ARHGAP8: variants seen among roughly 807,000 people sequenced by gnomAD.
The protein encoded by ARHGAP8 is rho GTPase-activating protein 8.
A neutral mutation model predicts 46.1 loss-of-function variants in ARHGAP8; 62 were observed. That is an observed-to-expected ratio of 1.34 (90% CI 1.10 to 1.66). The LOEUF (loss-of-function observed/expected upper bound fraction) is 1.66. ARHGAP8 is among the 40% of genes most tolerant of loss of function. The pLI, the probability that ARHGAP8 is intolerant of heterozygous loss-of-function variation, is 0.00. For missense variants in ARHGAP8, 923 were observed against 568.4 expected, an observed-to-expected ratio of 1.62 and a Z score of -6.34; for synonymous variants, 375 against 243.1, an observed-to-expected ratio of 1.54 and a Z score of -5.05.
chr22:44,788,417 ACTT>A (rs1927434236), intron 2 of ARHGAP8, among the ~76,000 whole-genome samples: 1 of 143,298 alleles, frequency 7.0e-6, no homozygotes, highest in Non-Finnish European at 1.5e-5. Context: ...CCATCCCTGG[ACTT>A]TAATTTTATT....
intron 8 of ARHGAP8, among the ~76,000 whole-genome samples, chr22:44,847,766 T>G (rs2069993290): frequency 6.6e-6 from 1 of 152,174 alleles, no homozygotes; most frequent in Admixed American, 6.5e-5. Context: ...TGTCTGAGAT[T>G]AGAGTCTATT....
chr22:44,810,515 C>G (rs972611093), intron 4 of ARHGAP8, among the ~76,000 whole-genome samples: 1 of 152,212 alleles, frequency 6.6e-6, no homozygotes, highest in African/African-American at 2.4e-5. Context: ...GCCGGGATTA[C>G]AGGCGTGAGC....
intron 2 of ARHGAP8, among the ~76,000 whole-genome samples, chr22:44,791,589 C>T (rs922734232): frequency 4.6e-5 from 7 of 151,948 alleles, no homozygotes; most frequent in East Asian, 1.9e-4. Context: ...CTGTAATCCC[C>T]GCTACTTGGG....
intron 1 of ARHGAP8, 128 bp from the exon 2 acceptor site, chr22:44,786,323 GCACGGC>G: frequency 9.6e-7 from 1 of 1,039,684 alleles, no homozygotes; most frequent in Non-Finnish European, 1.3e-6. Flanking sequence ...CGTAGTGGGT[GCACGGC>G]TGAGGTAGGG....
chr22:44,759,558 G>C (rs143514503), intron 1 of ARHGAP8, among the ~76,000 whole-genome samples: 1 of 152,214 alleles, frequency 6.6e-6, no homozygotes, highest in Non-Finnish European at 1.5e-5. Context: ...CATTCTCTGT[G>C]GGCTGCTGGG....
At chr22:44,817,959 A>G (rs1027528163) in intron 5 of ARHGAP8, among the ~76,000 whole-genome samples, 1 of 152,094 alleles carries the variant, frequency 6.6e-6, no homozygotes, top group African/African-American at 2.4e-5. Flanking sequence ...TACAAAACAG[A>G]TAAAAATCAG....
intron 1 of ARHGAP8, among the ~76,000 whole-genome samples, chr22:44,759,676 CT>C (rs1202810922): frequency 2.0e-5 from 3 of 152,206 alleles, no homozygotes; most frequent in Admixed American, 6.5e-5. Flanking sequence ...GATCTTCTGT[CT>C]CAGAAGTATC....
intron 4 of ARHGAP8, chr22:44,808,815 AAAAAAAAC>A (rs553120424): frequency 2.9e-4 from 107 of 372,850 alleles, no homozygotes; most frequent in African/African-American, 2.3e-3. Context: ...AATACAAAAA[AAAAAAAAC>A]CAAAAACAAA....
At position 44,861,144 on chromosome 22, in the gene ARHGAP8, GT is replaced by G. The variant is rs888619310; in HGVS notation, c.982-1124del. Among the ~76,000 whole-genome samples the G allele has an allele frequency of 5.3e-5, 8 of 151,964 alleles. No homozygotes were observed. In the East Asian group the frequency reaches 5.8e-4, roughly 11 times the overall value. On this transcript the variant is annotated intron_variant, in intron 11 of 11. Coordinates refer to ENST00000356099, the MANE Select transcript of ARHGAP8 (RefSeq NM_181335.3). Reference sequence around the variant, plus strand: ...GAACCACCATGCCCGGCTAATTTTTGTTTTTTTAGTAGAGATGGGGTTTCGT... The same window carrying G: ...GAACCACCATGCCCGGCTAATTTTTGTTTTTTAGTAGAGATGGGGTTTCGT...
intron 1 of ARHGAP8, among the ~76,000 whole-genome samples, chr22:44,780,712 C>T (rs1424453242): frequency 6.6e-6 from 1 of 152,188 alleles, no homozygotes; most frequent in Non-Finnish European, 1.5e-5. Context: ...CCACCCCATC[C>T]TCAGGCCCTG....
Position 44,859,759 on chromosome 22 carries a change from C to G in ARHGAP8, c.906C>G (p.Gly302=), listed in dbSNP as rs145786855. The G allele has an allele frequency of 1.2e-6, 2 of 1,613,992 alleles. No homozygotes were observed. The highest frequency in any genetic ancestry group is 1.7e-6 in the Non-Finnish European group (2 of 1,180,030). The part of the protein sequence containing the change: ...TCVESSLRVT[G]CRQILRSLPE... Reference sequence around the variant, plus strand: ...TGGAGAGCAGCCTGCGTGTCACTGGCTGCCGCCAGATCTTACGGAGCCTCC... The same window carrying G: ...TGGAGAGCAGCCTGCGTGTCACTGGGTGCCGCCAGATCTTACGGAGCCTCC... Residue 302 remains glycine (G), a synonymous_variant, in exon 11 of 12, where the codon GGC becomes GGG. Coordinates refer to ENST00000356099, the MANE Select transcript of ARHGAP8 (RefSeq NM_181335.3).
chr22:44,782,374 C>T (rs537952427), intron 1 of ARHGAP8, among the ~76,000 whole-genome samples: 10 of 152,210 alleles, frequency 6.6e-5, no homozygotes, highest in African/African-American at 1.9e-4. Flanking sequence ...AAATTAATCA[C>T]TTTAAAGCAC....
chr22:44,784,550 A>C (rs1465063364), intron 1 of ARHGAP8, among the ~76,000 whole-genome samples: 1 of 152,198 alleles, frequency 6.6e-6, no homozygotes, highest in Non-Finnish European at 1.5e-5. Context: ...ATTTTCTATC[A>C]GGGATTTGAG....
chr22:44,791,710 A>G (rs4823256), intron 2 of ARHGAP8, among the ~76,000 whole-genome samples: 63,584 of 151,732 alleles, frequency 0.42, 13,562 homozygotes, highest in East Asian at 0.52. Flanking sequence ...ATCTCAAAAA[A>G]CAAACAAACA....
intron 5 of ARHGAP8, among the ~76,000 whole-genome samples, chr22:44,818,384 G>A (rs556827315): frequency 6.7e-5 from 10 of 148,608 alleles, no homozygotes; most frequent in African/African-American, 2.6e-4. Context: ...AGGAGGCAGA[G>A]GTTGCGGTGA....
chr22:44,835,961 A>G (rs1003531597), intron 7 of ARHGAP8, among the ~76,000 whole-genome samples: 2 of 152,132 alleles, frequency 1.3e-5, no homozygotes, highest in African/African-American at 2.4e-5. Flanking sequence ...ATCGGCCTCC[A>G]GGGTGGGACA....
Position 44,848,026 on chromosome 22 carries a change from G to T in ARHGAP8, c.724G>T (p.Glu242Ter). 1 of 1,607,542 alleles carries T rather than the reference G, an allele frequency of 6.2e-7. No homozygotes were observed. Residue 242 changes from glutamate to a stop codon, truncating the protein, a stop_gained, in exon 9 of 12, where the codon GAG (glutamate) becomes TAG (stop). Transcript: ENST00000356099. LOFTEE classifies it high-confidence loss of function. ...RRSASVQTVR[E>*]IQRLYNQGKP... ...ATCCGCCAGCGTGCAGACCGTCCGC[G>T]AGATCCAGAGGCTCTACAACCAAGG... is the stretch of plus-strand genomic sequence containing the variant.
chr22:44,852,602 G>C (rs984607735), intron 10 of ARHGAP8, among the ~76,000 whole-genome samples: 3 of 152,116 alleles, frequency 2.0e-5, no homozygotes. Context: ...GTCTCATGTT[G>C]CATGAATCCT....
intron 1 of ARHGAP8, among the ~76,000 whole-genome samples, chr22:44,773,505 A>G (rs1602155591): frequency 6.6e-6 from 1 of 152,260 alleles, no homozygotes; most frequent in African/African-American, 2.4e-5. Flanking sequence ...ACATTAACAT[A>G]CTTCACAGGA....
Sources: gnomAD v4.1 joint callset for allele counts (sites outside exome capture counted in the v4.1 genomes callset) on GRCh38, gnomAD v4.1.1 for gene constraint, MANE v1.5 for transcripts, NCBI Gene and HGNC (gene_info 2026-07-23, HGNC 2026-07-21) for gene names.